The following MOB3B variants were observed in gnomAD, a reference collection of about 807,000 sequenced individuals.
The protein encoded by MOB3B is MOB kinase activator 3B.
Under a neutral mutation model 18.7 loss-of-function variants are expected in MOB3B, and 7 were observed. That is an observed-to-expected ratio of 0.37 (90% CI 0.21 to 0.70). The LOEUF (loss-of-function observed/expected upper bound fraction) is 0.70. Among genes scored for constraint, MOB3B ranks in the 30% least tolerant of loss-of-function variants. The pLI, the probability that MOB3B is intolerant of heterozygous loss-of-function variation, is 0.52. For synonymous variants in MOB3B, 111 were observed against 99.9 expected, an observed-to-expected ratio of 1.11 and a Z score of -0.66; for missense variants, 253 against 281.3, an observed-to-expected ratio of 0.90 and a Z score of 0.72.
intron 2 of MOB3B, among the ~76,000 whole-genome samples, chr9:27,400,202 A>T (rs1333282734): frequency 6.6e-6 from 1 of 152,248 alleles, no homozygotes; most frequent in Non-Finnish European, 1.5e-5. Context: ...AGAATGATAG[A>T]TATAAATAAC....
intron 1 of MOB3B, among the ~76,000 whole-genome samples, chr9:27,486,885 C>A (rs941016188): frequency 4.6e-5 from 7 of 152,152 alleles, no homozygotes; most frequent in African/African-American, 7.2e-5. Context: ...AATGCCAGCA[C>A]TTTGGGAGGC....
In MOB3B at chr9:27,459,280, G is replaced by A. The variant is rs190371155; in HGVS notation, c.-198-3532C>T. 1.5e-3 allele frequency among the ~76,000 whole-genome samples: 225 copies of A among 152,304 alleles called. 5 individuals carry two copies. The highest frequency in any genetic ancestry group is 0.013 in the Admixed American group (196 of 15,300). ...ATAGTTAGAACAGTGCTTAGCCAAT[G>A]TGAACTCAGGGATCTTGTTAAAATG... On this transcript the variant is annotated intron_variant, in intron 1 of 3. Transcript: ENST00000262244.
intron 2 of MOB3B, among the ~76,000 whole-genome samples, chr9:27,433,953 T>G (rs1444291486): frequency 6.6e-6 from 1 of 152,084 alleles, no homozygotes; most frequent in Non-Finnish European, 1.5e-5. Context: ...CATAAGCAAT[T>G]TGATAAAAGG....
At chr9:27,381,062 AGC>A (rs1201584679) in intron 2 of MOB3B, among the ~76,000 whole-genome samples, 9 of 152,144 alleles carry the variant, frequency 5.9e-5, no homozygotes, top group Non-Finnish European at 1.2e-4. Context: ...CAGGCTCCTG[AGC>A]TGACAAGACA....
In MOB3B at chr9:27,455,272, G is replaced by A. The variant is rs760981749; in HGVS notation, c.279C>T (p.Gly93=). 111 of 1,613,948 alleles carry A rather than the reference G, an allele frequency of 6.9e-5. No homozygotes were observed. The highest frequency in any genetic ancestry group is 9.2e-5 in the Non-Finnish European group (108 of 1,179,940). ...TERTCPVMSG[G]PKYEYRWQDD... ...CCTGCCACCGATACTCATATTTGGG[G>A]CCCCCTGACATCACAGGACAGGTCC... The change falls in exon 2 of 4, where the codon GGC becomes GGT. Residue 93 remains glycine (G), a synonymous_variant. Coordinates refer to ENST00000262244, the MANE Select transcript of MOB3B (RefSeq NM_024761.5).
chr9:27,486,873 G>A (rs1819736161), intron 1 of MOB3B, among the ~76,000 whole-genome samples: 1 of 152,218 alleles, frequency 6.6e-6, no homozygotes, highest in Non-Finnish European at 1.5e-5. Flanking sequence ...GCTCACGCTT[G>A]TAATGCCAGC....
intron 1 of MOB3B, among the ~76,000 whole-genome samples, chr9:27,481,193 A>C (rs1253061905): frequency 6.6e-6 from 1 of 152,254 alleles, no homozygotes; most frequent in Non-Finnish European, 1.5e-5. Flanking sequence ...AAGACAAAAA[A>C]GGCGAGAAGA....
At chr9:27,423,051 A>G (rs998784198) in intron 2 of MOB3B, among the ~76,000 whole-genome samples, 4 of 152,206 alleles carry the variant, frequency 2.6e-5, no homozygotes, top group South Asian at 2.1e-4. Flanking sequence ...ATGGGTCCAC[A>G]TGGAGAGCCA....
At chr9:27,466,986 G>A (rs992282462) in intron 1 of MOB3B, among the ~76,000 whole-genome samples, 1 of 152,126 alleles carries the variant, frequency 6.6e-6, no homozygotes, top group African/African-American at 2.4e-5. Context: ...AGAGAGAACA[G>A]ACAACCATCT....
intron 1 of MOB3B, among the ~76,000 whole-genome samples, chr9:27,466,794 C>T (rs1188712686): frequency 1.3e-5 from 2 of 152,150 alleles, no homozygotes. Flanking sequence ...AAGACCGGCC[C>T]TTATGATTCA....
At chr9:27,372,578 C>A (rs1821439472) in intron 2 of MOB3B, among the ~76,000 whole-genome samples, 1 of 152,130 alleles carries the variant, frequency 6.6e-6, no homozygotes, top group South Asian at 2.1e-4. Flanking sequence ...CAATCGTGTT[C>A]ATAGAATATG....
At chr9:27,452,358 G>C (rs1458504378) in intron 2 of MOB3B, among the ~76,000 whole-genome samples, 1 of 152,178 alleles carries the variant, frequency 6.6e-6, no homozygotes, top group Admixed American at 6.5e-5. Flanking sequence ...TGGTATCTGA[G>C]CTGAACCTCA....
rs559903151 is a variant in MOB3B at position 27,426,976 on chromosome 9, A to G, written c.418+28157T>C. ...GTGTGGGCAAGATGAATCTGCAAGC[A>G]CACACTGGATTATTCTAGGTGCCAA... On this transcript the variant is annotated intron_variant, in intron 2 of 3. Transcript: ENST00000262244. Among the ~76,000 whole-genome samples the G allele has an allele frequency of 8.5e-5, 13 of 152,364 alleles. No individual in the cohort carries two copies. The South Asian group carries it at 2.7e-3, about 32-fold the overall frequency.
At chr9:27,480,409 C>T (rs1221585344) in intron 1 of MOB3B, among the ~76,000 whole-genome samples, 1 of 152,068 alleles carries the variant, frequency 6.6e-6, no homozygotes, top group East Asian at 1.9e-4. Flanking sequence ...ACGCCATTCT[C>T]CTGCCTCAGC....
chr9:27,363,422 C>T (rs1821302647), intron 2 of MOB3B, among the ~76,000 whole-genome samples: 1 of 152,164 alleles, frequency 6.6e-6, no homozygotes. Flanking sequence ...GCGCCCGCCG[C>T]CACGCCCGGC....
chr9:27,348,595 G>A (rs1473974066), intron 3 of MOB3B, among the ~76,000 whole-genome samples: 1 of 152,024 alleles, frequency 6.6e-6, no homozygotes, highest in African/African-American at 2.4e-5. Flanking sequence ...GGAGGTTGCA[G>A]TGAGCCGAGA....
At chr9:27,488,422 T>G (rs1034001238) in intron 1 of MOB3B, among the ~76,000 whole-genome samples, 3 of 152,208 alleles carry the variant, frequency 2.0e-5, no homozygotes, top group Non-Finnish European at 4.4e-5. Flanking sequence ...ATTTATTTAT[T>G]TTTGAGATGG....
intron 2 of MOB3B, among the ~76,000 whole-genome samples, chr9:27,363,308 C>T (rs1587156479): frequency 6.6e-6 from 1 of 152,166 alleles, no homozygotes; most frequent in Non-Finnish European, 1.5e-5. Flanking sequence ...TGGAGTCTCG[C>T]ACTTTCGCCC....
chr9:27,331,523 T>C (rs540905524), intron 3 of MOB3B, among the ~76,000 whole-genome samples: 1 of 152,224 alleles, frequency 6.6e-6, no homozygotes, highest in South Asian at 2.1e-4. Context: ...CCTGCTAGAC[T>C]GGGCGCTACT....
Sources: allele counts gnomAD v4.1 joint callset (sites outside exome capture counted in the v4.1 genomes callset), GRCh38; gene constraint gnomAD v4.1.1; transcripts MANE v1.5; gene names NCBI Gene and HGNC (gene_info 2026-07-23, HGNC 2026-07-21).